Variants in PTPRF observed in about 807,000 individuals in gnomAD.
The protein encoded by PTPRF is receptor-type tyrosine-protein phosphatase F.
Under a neutral mutation model 201.8 loss-of-function variants are expected in PTPRF, and 59 were observed. The ratio of observed to expected loss-of-function variants is 0.29; its 90% CI spans 0.24 to 0.36. The LOEUF (loss-of-function observed/expected upper bound fraction) is 0.36, where lower values mean the gene tolerates loss of function less well. Among genes scored for constraint, PTPRF ranks in the 10% least tolerant of loss-of-function variants. The pLI, the probability that PTPRF is intolerant of heterozygous loss-of-function variation, is 1.00. For missense variants in PTPRF, 2,132 were observed against 2,690.5 expected (o/e 0.79, Z 4.59); for synonymous variants, 1,088 against 1,089.7 (o/e 1.00, Z 0.03).
In PTPRF at chr1:43,542,959, GGT is replaced by G. The variant is rs922255387; in HGVS notation, c.-45-2071_-45-2070del. ...GTCCCTATGAAGCCTGCCTGGCAGGGGTTGCATGCTTGGAATGCTTGTTCCTG... is the reference window on the plus strand; with the variant it reads ...GTCCCTATGAAGCCTGCCTGGCAGGGTGCATGCTTGGAATGCTTGTTCCTG... On this transcript the variant is annotated intron_variant, in intron 2 of 33. Transcript: ENST00000359947. This position sits in a 1 kb window ranked among gnomAD's most constrained non-coding sequence, Gnocchi z 5.2. 4.6e-5 allele frequency among the ~76,000 whole-genome samples: 7 copies of G among 152,240 alleles called. No homozygotes were observed. The highest frequency in any genetic ancestry group is 1.7e-4 in the African/African-American group (7 of 41,542).
intron 3 of PTPRF, among the ~76,000 whole-genome samples, chr1:43,549,862 CAA>C (rs765642445): frequency 2.3e-5 from 3 of 129,204 alleles, no homozygotes; most frequent in South Asian, 2.5e-4. Context: ...ACCCCCCTCT[CAA>C]AAAAAAAAAA....
chr1:43,577,031 C>T (rs1570209237), intron 6 of PTPRF, among the ~76,000 whole-genome samples: 1 of 152,196 alleles, frequency 6.6e-6, no homozygotes, highest in East Asian at 1.9e-4. Flanking sequence ...TTGGGGATTT[C>T]TGTATGCAAA....
upstream of PTPRF, among the ~76,000 whole-genome samples, chr1:43,530,028 G>A (rs1643308639): frequency 1.3e-5 from 2 of 151,946 alleles, no homozygotes; most frequent in South Asian, 4.2e-4. This position sits in a 1 kb window ranked among gnomAD's most constrained non-coding sequence, Gnocchi z 4.1. Flanking sequence ...AGGATGAAGG[G>A]GCTTTGTGTG....
intron 5 of PTPRF, among the ~76,000 whole-genome samples, chr1:43,558,162 C>T (rs879698917): frequency 6.6e-6 from 1 of 152,038 alleles, no homozygotes; most frequent in Non-Finnish European, 1.5e-5. Context: ...TAGTTGGGGT[C>T]GGGGAAGTAA....
intron 5 of PTPRF, among the ~76,000 whole-genome samples, chr1:43,555,492 C>T (rs1486656690): frequency 4.7e-5 from 7 of 149,248 alleles, no homozygotes; most frequent in African/African-American, 1.5e-4. Context: ...GTCACCCAGC[C>T]TGGAGTCCCG....
chr1:43,619,394 T>G lies in PTPRF; in HGVS notation c.4753T>G (p.Ser1585Ala). The stretch of plus-strand genomic sequence containing the variant: ...CTATGGCCACGTGACCTGCATGCGA[T>G]CACAGAGGAACTACATGGTGCAGAC... ...DIYGHVTCMRSQRNYMVQTED... is the reference protein window; with the variant it reads ...DIYGHVTCMRAQRNYMVQTED... The change falls in exon 28 of 34, where the codon TCA becomes GCA. Residue 1585 changes from serine to alanine, a missense_variant. This residue lies in a region of PTPRF where 519 missense variants were observed against 659.5 expected (regional missense o/e 0.79). Coordinates refer to ENST00000359947, the MANE Select transcript of PTPRF (RefSeq NM_002840.5). The G allele has an allele frequency of 6.2e-7, 1 of 1,614,118 alleles. No homozygotes were observed. Among genetic ancestry groups the G allele is most frequent in the Non-Finnish European group, 8.5e-7 (1 of 1,180,032 alleles).
chr1:43,612,731 G>C (rs1656761566), intron 22 of PTPRF: 2 of 1,355,764 alleles, frequency 1.5e-6, no homozygotes, highest in African/African-American at 3.0e-5. Flanking sequence ...TTGCCCCGTT[G>C]TTTTTTTCGT....
At chr1:43,545,722 C>A (rs1644624441) in intron 3 of PTPRF, among the ~76,000 whole-genome samples, 1 of 152,106 alleles carries the variant, frequency 6.6e-6, no homozygotes, top group Admixed American at 6.5e-5. Context: ...AAAGGAGCAT[C>A]CCCCCACCCC....
chr1:43,607,164 G>C (rs557743116), intron 21 of PTPRF, among the ~76,000 whole-genome samples, 196 bp downstream of exon 21: 1 of 152,228 alleles, frequency 6.6e-6, no homozygotes, highest in Non-Finnish European at 1.5e-5. Flanking sequence ...TCAGGTGAGG[G>C]AGCCTCTGCA....
At chr1:43,525,804 CAA>C (rs1179056466), upstream of PTPRF, among the ~76,000 whole-genome samples, 2 of 35,566 alleles carry the variant, frequency 5.6e-5, no homozygotes, top group African/African-American at 2.4e-4. Context: ...GACTCAGTCT[CAA>C]AAAAAAAAAA....
rs749468850 is a variant in PTPRF, at chr1:43,603,649, A to G, written c.2497A>G (p.Met833Val). ...RPTMMISTTAMNTALLQWHPP... is the reference protein window; with the variant it reads ...RPTMMISTTAVNTALLQWHPP... ...CACCATGATGATCAGCACCACGGCC[A>G]TGAACACTGCGCTGCTCCAGTGGCA... Residue 833 changes from methionine to valine, a missense_variant, in exon 16 of 34, where the codon ATG (methionine) becomes GTG (valine). By Grantham distance (21) the Met-to-Val change is conservative. This residue lies in a region of PTPRF where 818 missense variants were observed against 915.3 expected (regional missense o/e 0.89). Transcript: ENST00000359947. The surrounding 1 kb of genome is among the most constrained non-coding windows in gnomAD (Gnocchi z 5.8). 23 of 1,613,598 alleles carry G rather than the reference A, an allele frequency of 1.4e-5. No homozygotes were observed. Among genetic ancestry groups the G allele is most frequent in the South Asian group, 2.2e-5 (2 of 91,056 alleles).
At chr1:43,532,198 T>C (rs1643630013) in intron 1 of PTPRF, among the ~76,000 whole-genome samples, 1 of 152,144 alleles carries the variant, frequency 6.6e-6, no homozygotes, top group Admixed American at 6.5e-5. Flanking sequence ...CCCATTTCCC[T>C]GGAATGCTGC....
Position 43,554,047 on chromosome 1 carries a change from G to A in PTPRF, c.379+106G>A. 2 of 1,460,508 alleles carry A rather than the reference G, an allele frequency of 1.4e-6. No individual in the cohort carries two copies. Among genetic ancestry groups the A allele is most frequent in the South Asian group, 1.3e-5 (1 of 75,456 alleles). 90.5% of individuals were successfully genotyped at this position (1,460,508 alleles called of 1,614,324 possible). ...GCCCATGTGCATTTGGCAGAAAGGA[G>A]GACTGGCCACCTCGGGGTCAGTGAA... On this transcript the variant is annotated intron_variant, in intron 5 of 33. Coordinates refer to ENST00000359947, the MANE Select transcript of PTPRF (RefSeq NM_002840.5). The surrounding 1 kb of genome is among the most constrained non-coding windows in gnomAD (Gnocchi z 4.1).
intron 3 of PTPRF, among the ~76,000 whole-genome samples, chr1:43,548,540 G>A (rs1267024958): frequency 6.6e-6 from 1 of 152,128 alleles, no homozygotes; most frequent in Non-Finnish European, 1.5e-5. Flanking sequence ...CTCTGGGCCT[G>A]TTTTCCTATT....
At chr1:43,586,318 C>T (rs930415859) in intron 7 of PTPRF, among the ~76,000 whole-genome samples, 1 of 152,216 alleles carries the variant, frequency 6.6e-6, no homozygotes, top group Non-Finnish European at 1.5e-5. Flanking sequence ...CAGGCCTGGA[C>T]CTGATCTGCA....
At chr1:43,583,241 C>A in intron 7 of PTPRF, 1 of 468,786 alleles carries the variant, frequency 2.1e-6, no homozygotes, top group Non-Finnish European at 2.8e-6. Context: ...GGCGGGCAGG[C>A]AGGACCAGGG....
Position 43,597,737 on chromosome 1 carries a change from G to GT in PTPRF, c.1814-10dup. The GT allele has an allele frequency of 1.2e-5, 12 of 1,018,314 alleles. No homozygotes were observed. The highest frequency in any genetic ancestry group is 1.2e-4 in the Admixed American group (4 of 34,640). The allele number at this position is 1,018,314 out of a possible 1,614,324, so 63.1% of individuals were successfully genotyped here. ...CCATCTGCTTGCTTCCCCCCCATTT[G>GT]TCTTCCCCAGCCCCCTCCGCCCCTC... On this transcript the variant is annotated splice_polypyrimidine_tract_variant and intron_variant, in intron 11 of 33. Transcript: ENST00000359947.
intron 2 of PTPRF, among the ~76,000 whole-genome samples, chr1:43,540,448 G>A (rs950552171): frequency 6.6e-6 from 1 of 152,130 alleles, no homozygotes; most frequent in Non-Finnish European, 1.5e-5. Flanking sequence ...CAGGTACAGA[G>A]GCTTGGAGGC....
chr1:43,606,318 G>A lies in PTPRF; in HGVS notation c.3562G>A (p.Ala1188Thr), dbSNP rs759442309. 6.2e-7 allele frequency: 1 copy of A among 1,614,186 alleles called. No homozygotes were observed. The highest frequency in any genetic ancestry group is 8.5e-7 in the Non-Finnish European group (1 of 1,180,028). The change falls in exon 20 of 34, where the codon GCT becomes ACT. Residue 1188 changes from alanine to threonine, a missense_variant. Ala to Thr is a moderately conservative substitution (Grantham distance 58). Coordinates refer to ENST00000359947, the MANE Select transcript of PTPRF (RefSeq NM_002840.5). ...GGCAGAACGTCTGAAGCCATATGTG[G>A]CTGCTCAACTGGATGTGCTCCCGGA... ...RQAERLKPYV[A>T]AQLDVLPETF...
Sources: gnomAD v4.1 joint callset for allele counts (sites outside exome capture counted in the v4.1 genomes callset) on GRCh38, gnomAD v4.1.1 for gene constraint, gnomAD v4.1.1 regional missense constraint, Gnocchi (gnomAD v3.1) non-coding constraint, MANE v1.5 for transcripts, NCBI Gene and HGNC (gene_info 2026-07-23, HGNC 2026-07-21) for gene names.